PTPRD: variants seen among roughly 807,000 people sequenced by gnomAD.
The protein encoded by PTPRD is receptor-type tyrosine-protein phosphatase delta.
Under a neutral mutation model 214.5 loss-of-function variants are expected in PTPRD, and 34 were observed. That is an observed-to-expected ratio of 0.16 (90% CI 0.12 to 0.21). PTPRD has a LOEUF of 0.21. PTPRD is among the 10% of genes least tolerant of loss of function. The probability of loss-of-function intolerance (pLI) is 1.00; values close to 1 mark genes in which losing one functional copy is unlikely to be tolerated. For missense variants in PTPRD, 2,545 were observed against 2,398.7 expected (o/e 1.06, Z -1.27); for synonymous variants, 1,128 against 845.7 (o/e 1.33, Z -5.79).
At chr9:9,647,292 G>T (rs1359151013) in intron 7 of PTPRD, among the ~76,000 whole-genome samples, 1 of 151,606 alleles carries the variant, frequency 6.6e-6, no homozygotes, top group Non-Finnish European at 1.5e-5. Context: ...CAATTTATTT[G>T]ATGACTGCTA....
intron 5 of PTPRD, among the ~76,000 whole-genome samples, chr9:9,795,965 G>C (rs1344663600): frequency 6.6e-6 from 1 of 151,858 alleles, no homozygotes; most frequent in African/African-American, 2.4e-5. Context: ...ATATATCAAT[G>C]ACTATGCACC....
chr9:9,548,713 G>A (rs1369186940), intron 8 of PTPRD, among the ~76,000 whole-genome samples: 3 of 152,036 alleles, frequency 2.0e-5, no homozygotes, highest in African/African-American at 7.2e-5. Context: ...TAAGAAAGAT[G>A]GAGTGCCGTA....
At chr9:10,267,932 T>G (rs1194535144) in intron 3 of PTPRD, among the ~76,000 whole-genome samples, 1 of 152,002 alleles carries the variant, frequency 6.6e-6, no homozygotes, top group East Asian at 1.9e-4. Flanking sequence ...ATGTAAAAGA[T>G]TTACTTGTAG....
intron 5 of PTPRD, among the ~76,000 whole-genome samples, 200 bp from the exon 6 acceptor site, chr9:9,767,051 A>C (rs1160110845): frequency 6.6e-6 from 1 of 151,974 alleles, no homozygotes; most frequent in Admixed American, 6.6e-5. Flanking sequence ...GACAGAATGC[A>C]AATACTCTGT....
chr9:9,866,129 G>C (rs944366105), intron 5 of PTPRD, among the ~76,000 whole-genome samples: 1 of 152,002 alleles, frequency 6.6e-6, no homozygotes, highest in Non-Finnish European at 1.5e-5. Context: ...TTAATATCTA[G>C]TTAAGGTTAT....
At chr9:10,098,736 A>G (rs933873546) in intron 3 of PTPRD, among the ~76,000 whole-genome samples, 1 of 151,772 alleles carries the variant, frequency 6.6e-6, no homozygotes, top group African/African-American at 2.4e-5. Context: ...AATGTCCAAG[A>G]GCTGACCTAT....
At chr9:9,663,941 C>T (rs1393045029) in intron 7 of PTPRD, among the ~76,000 whole-genome samples, 1 of 151,194 alleles carries the variant, frequency 6.6e-6, no homozygotes, top group African/African-American at 2.4e-5. Context: ...GTTTTAGAAA[C>T]TCTTTCACAT....
At chr9:10,316,533 G>C (rs561885748) in intron 3 of PTPRD, among the ~76,000 whole-genome samples, 1 of 151,828 alleles carries the variant, frequency 6.6e-6, no homozygotes, top group Non-Finnish European at 1.5e-5. Context: ...AATATACTTG[G>C]TCTATATTTG....
chr9:10,166,712 T>C (rs933741062), intron 3 of PTPRD, among the ~76,000 whole-genome samples: 1 of 151,968 alleles, frequency 6.6e-6, no homozygotes, highest in South Asian at 2.1e-4. Context: ...AAGTGGATAA[T>C]AATAACACAT....
chr9:8,338,813 T>C, intron 43 of PTPRD, 109 bp downstream of exon 43: 1 of 1,007,114 alleles, frequency 9.9e-7, no homozygotes, highest in Non-Finnish European at 1.4e-6. Flanking sequence ...ATGATTTCTC[T>C]TTGGGACAAC....
intron 3 of PTPRD, among the ~76,000 whole-genome samples, chr9:10,046,877 G>A (rs2097408104): frequency 6.6e-6 from 1 of 151,808 alleles, no homozygotes; most frequent in Non-Finnish European, 1.5e-5. Context: ...AAAACATCAC[G>A]ACACCTGTCA....
Position 8,642,107 on chromosome 9 carries a change from A to C in PTPRD, c.65-5263T>G, listed in dbSNP as rs144050405. ...CACAGATGAATGCAATTTATGAGAA[A>C]TTCCTAAAGGTTAAGTAGATAACTT... On this transcript the variant is annotated intron_variant, in intron 12 of 45. Transcript: ENST00000381196. Among the ~76,000 whole-genome samples the C allele has an allele frequency of 2.0e-5, 3 of 152,324 alleles. No individual in the cohort carries two copies. In the East Asian group the frequency reaches 5.8e-4, roughly 29 times the overall value.
chr9:9,876,675 T>C (rs1239721346), intron 5 of PTPRD, among the ~76,000 whole-genome samples: 4 of 152,186 alleles, frequency 2.6e-5, no homozygotes, highest in Admixed American at 2.0e-4. Context: ...TTTTTACACA[T>C]ATTTGTCATT....
At chr9:9,133,674 T>C (rs541503572) in intron 10 of PTPRD, among the ~76,000 whole-genome samples, 5 of 152,294 alleles carry the variant, frequency 3.3e-5, no homozygotes, top group African/African-American at 1.2e-4. Flanking sequence ...GAAAGAAGCA[T>C]TGTTCGGTTA....
chr9:8,355,727 C>T (rs1172110351), intron 39 of PTPRD, among the ~76,000 whole-genome samples: 1 of 152,158 alleles, frequency 6.6e-6, no homozygotes, highest in Non-Finnish European at 1.5e-5. Flanking sequence ...TTCAAGTAGT[C>T]TGAACATGCT....
At chr9:8,684,107 C>G (rs185643544) in intron 12 of PTPRD, among the ~76,000 whole-genome samples, 1 of 152,232 alleles carries the variant, frequency 6.6e-6, no homozygotes, top group South Asian at 2.1e-4. Context: ...ATCTCTGCTG[C>G]GCCCTATCTG....
intron 10 of PTPRD, among the ~76,000 whole-genome samples, chr9:9,103,910 G>A (rs1398290007): frequency 6.6e-6 from 1 of 152,126 alleles, no homozygotes; most frequent in Non-Finnish European, 1.5e-5. Flanking sequence ...GGAGCCTTGG[G>A]AGGCAGAGGT....
chr9:10,048,459 CTATCTG>C (rs779902141), intron 3 of PTPRD, among the ~76,000 whole-genome samples: 4 of 152,106 alleles, frequency 2.6e-5, no homozygotes, highest in Admixed American at 6.6e-5. Context: ...CTGACCATTG[CTATCTG>C]GATTCATTCC....
chr9:8,900,999 T>C (rs942559093), intron 11 of PTPRD, among the ~76,000 whole-genome samples: 9 of 152,094 alleles, frequency 5.9e-5, no homozygotes, highest in African/African-American at 1.9e-4. Context: ...AGCATTGATA[T>C]CAGTAGGCTT....
Sources: gnomAD v4.1 joint callset for allele counts (sites outside exome capture counted in the v4.1 genomes callset) on GRCh38, gnomAD v4.1.1 for gene constraint, MANE v1.5 for transcripts, NCBI Gene and HGNC (gene_info 2026-07-23, HGNC 2026-07-21) for gene names.